KCNQ5: variants seen among roughly 807,000 people sequenced by gnomAD.
KCNQ5 encodes potassium voltage-gated channel subfamily Q member 5, also known as potassium voltage-gated channel subfamily KQT member 5.
Under a neutral mutation model 98.2 loss-of-function variants are expected in KCNQ5, and 30 were observed. That is an observed-to-expected ratio of 0.31 (90% CI 0.23 to 0.41). The LOEUF (loss-of-function observed/expected upper bound fraction) is 0.41, where lower values mean the gene tolerates loss of function less well. Ranked by LOEUF, KCNQ5 falls within the 10% of genes least tolerant of loss-of-function variation. The probability of loss-of-function intolerance (pLI) is 1.00; values close to 1 mark genes in which losing one functional copy is unlikely to be tolerated. For synonymous variants in KCNQ5, 458 were observed against 449.4 expected, an observed-to-expected ratio of 1.02 and a Z score of -0.24; for missense variants, 835 against 1,182.5, an observed-to-expected ratio of 0.71 and a Z score of 4.31.
At chr6:72,639,159 T>G (rs2098925820) in intron 1 of KCNQ5, among the ~76,000 whole-genome samples, 1 of 152,060 alleles carries the variant, frequency 6.6e-6, no homozygotes, top group South Asian at 2.1e-4. Context: ...GGAAAAAGAT[T>G]TAGGGAATAC....
At chr6:73,071,085 C>G (rs895981249) in intron 3 of KCNQ5, among the ~76,000 whole-genome samples, 2 of 151,976 alleles carry the variant, frequency 1.3e-5, no homozygotes, top group African/African-American at 4.8e-5. Flanking sequence ...TTTTGTTTTT[C>G]CCACTGTATT....
At chr6:72,667,454 C>G (rs1766880742) in intron 1 of KCNQ5, among the ~76,000 whole-genome samples, 1 of 152,076 alleles carries the variant, frequency 6.6e-6, no homozygotes, top group Non-Finnish European at 1.5e-5. Flanking sequence ...TGAAAATCAC[C>G]ATTAGATAAA....
chr6:72,988,649 C>CTTTTTTTTTTT (rs71540364), intron 1 of KCNQ5, among the ~76,000 whole-genome samples: 3 of 127,824 alleles, frequency 2.3e-5, no homozygotes, highest in Non-Finnish European at 4.8e-5. Flanking sequence ...GCATGATTTT[C>CTTTTTTTTTTT]TTTTTTTTTT....
In KCNQ5 at chr6:72,834,726, A is replaced by G. The variant is rs144837430; in HGVS notation, c.399-169182A>G. 2.2e-3 allele frequency among the ~76,000 whole-genome samples: 340 copies of G among 152,234 alleles called. 1 individual carries two copies. The highest frequency in any genetic ancestry group is 3.5e-3 in the Non-Finnish European group (239 of 67,998). On this transcript the variant is annotated intron_variant, in intron 1 of 13. Coordinates refer to ENST00000370398, the MANE Select transcript of KCNQ5 (RefSeq NM_019842.4). ...AATTCTTATACTCCTTAGAAAACCA[A>G]AGCAAGGCCTGTAATCTTTCTTAAC...
rs573569425 is a variant in KCNQ5 at position 73,012,212 on chromosome 6, A to G, written c.489+8214A>G. On this transcript the variant is annotated intron_variant, in intron 2 of 13. Transcript: ENST00000370398. ...TCACAATAGCCAGAATGTGGAAACGACCCAAGTGTATACTGACAAGTGAAC... is the reference window on the plus strand; with the variant it reads ...TCACAATAGCCAGAATGTGGAAACGGCCCAAGTGTATACTGACAAGTGAAC... Among the ~76,000 whole-genome samples the G allele has an allele frequency of 2.6e-5, 4 of 152,248 alleles. No homozygotes were observed. The South Asian group carries it at 8.3e-4, about 32-fold the overall frequency.
At chr6:72,692,591 A>C (rs533771623) in intron 1 of KCNQ5, among the ~76,000 whole-genome samples, 1 of 152,212 alleles carries the variant, frequency 6.6e-6, no homozygotes, top group Non-Finnish European at 1.5e-5. Flanking sequence ...AAATTTTCTA[A>C]GGTGATGAAG....
chr6:73,124,552 CT>C (rs370937696), intron 9 of KCNQ5, 40 bp downstream of exon 9: 457 of 1,579,244 alleles, frequency 2.9e-4, no homozygotes, highest in Admixed American at 6.2e-4. Context: ...GTTTATAAAT[CT>C]GATACCTACC....
At chr6:72,741,875 C>G (rs991584806) in intron 1 of KCNQ5, among the ~76,000 whole-genome samples, 7 of 152,162 alleles carry the variant, frequency 4.6e-5, no homozygotes, top group African/African-American at 1.7e-4. Flanking sequence ...CTGGCAGTTG[C>G]TAGAAAAGCA....
At chr6:72,648,444 A>T (rs1042680310) in intron 1 of KCNQ5, among the ~76,000 whole-genome samples, 1 of 152,182 alleles carries the variant, frequency 6.6e-6, no homozygotes, top group African/African-American at 2.4e-5. Flanking sequence ...ACATGAATCT[A>T]TATTGATATA....
At chr6:72,770,915 T>C (rs886257054) in intron 1 of KCNQ5, among the ~76,000 whole-genome samples, 1 of 152,162 alleles carries the variant, frequency 6.6e-6, no homozygotes, top group African/African-American at 2.4e-5. Context: ...TACTGCTCAC[T>C]AATGTGTCAA....
chr6:72,930,337 C>T (rs1231559739), intron 1 of KCNQ5, among the ~76,000 whole-genome samples: 2 of 152,076 alleles, frequency 1.3e-5, no homozygotes, highest in East Asian at 3.8e-4. Flanking sequence ...TATCTTAAAA[C>T]TTCAAAGGAA....
intron 2 of KCNQ5, among the ~76,000 whole-genome samples, chr6:73,024,310 C>A (rs1481112952): frequency 7.3e-6 from 1 of 136,436 alleles, no homozygotes; most frequent in Non-Finnish European, 1.6e-5. Context: ...AAAAAAATAA[C>A]CTTAGGTTAC....
At chr6:73,135,760 T>A (rs1295179687) in intron 10 of KCNQ5, 1 of 152,210 alleles carries the variant, frequency 6.6e-6, no homozygotes, top group Non-Finnish European at 1.5e-5. Flanking sequence ...ACAACAAAAA[T>A]TTATTTTCTC....
intron 1 of KCNQ5, among the ~76,000 whole-genome samples, chr6:72,778,345 T>TG: frequency 6.6e-6 from 1 of 152,064 alleles, no homozygotes; most frequent in Non-Finnish European, 1.5e-5. Context: ...GAGACCTGCC[T>TG]GGGTAACCTG....
At chr6:72,927,111 A>C (rs1554186490) in intron 1 of KCNQ5, among the ~76,000 whole-genome samples, 1 of 152,206 alleles carries the variant, frequency 6.6e-6, no homozygotes, top group Non-Finnish European at 1.5e-5. Flanking sequence ...AAGGAATTAA[A>C]TTTTATAAAA....
At chr6:73,050,595 G>A (rs141200963) in intron 3 of KCNQ5, among the ~76,000 whole-genome samples, 60 of 152,076 alleles carry the variant, frequency 3.9e-4, no homozygotes, top group African/African-American at 1.4e-3. Context: ...GTTTTTACAT[G>A]CGCTCAATTT....
chr6:73,021,705 G>T (rs1023679915), intron 2 of KCNQ5, among the ~76,000 whole-genome samples: 1 of 152,134 alleles, frequency 6.6e-6, no homozygotes. Context: ...TAATAAATTA[G>T]TATATAGGTT....
chr6:72,987,660 C>G (rs1228985144), intron 1 of KCNQ5: 30 of 614,682 alleles, frequency 4.9e-5, no homozygotes, highest in Non-Finnish European at 7.9e-5. Flanking sequence ...GGAAGTACAG[C>G]CGCGGAGCCC....
chr6:73,057,611 A>G (rs1216147240), intron 3 of KCNQ5, among the ~76,000 whole-genome samples: 1 of 152,192 alleles, frequency 6.6e-6, no homozygotes, highest in African/African-American at 2.4e-5. Context: ...GATGATATAA[A>G]TAAAAGGAAA....
Sources: gnomAD v4.1 joint callset for allele counts (sites outside exome capture counted in the v4.1 genomes callset) on GRCh38, gnomAD v4.1.1 for gene constraint, MANE v1.5 for transcripts, NCBI Gene and HGNC (gene_info 2026-07-23, HGNC 2026-07-21) for gene names.